ZNF655: variants seen among roughly 807,000 people sequenced by gnomAD.
ZNF655 encodes Vav-interacting Kruppel-like protein 1.
A neutral mutation model predicts 6.6 loss-of-function variants in ZNF655; 3 were observed. That is an observed-to-expected ratio of 0.46 (90% CI 0.21 to 1.18). The LOEUF (loss-of-function observed/expected upper bound fraction) is 1.18, where lower values mean the gene tolerates loss of function less well. Among genes scored for constraint, ZNF655 ranks in the 50% most tolerant of loss-of-function variants. The probability of loss-of-function intolerance (pLI) is 0.24; values close to 1 mark genes in which losing one functional copy is unlikely to be tolerated. For missense variants in ZNF655, 526 were observed against 572.3 expected (o/e 0.92, Z 0.83); for synonymous variants, 178 against 195.0 (o/e 0.91, Z 0.73).
intron 2 of ZNF655, among the ~76,000 whole-genome samples, chr7:99,562,649 G>A (rs1803291090): frequency 6.6e-6 from 1 of 152,116 alleles, no homozygotes; most frequent in African/African-American, 2.4e-5. Flanking sequence ...GTCTTCTCCG[G>A]GAGGGGTAAT....
At chr7:99,569,963 ACCCTTT>A (rs975145890) in intron 2 of ZNF655, among the ~76,000 whole-genome samples, 5 of 151,980 alleles carry the variant, frequency 3.3e-5, no homozygotes, top group Non-Finnish European at 5.9e-5. Context: ...CCCTTCTCCC[ACCCTTT>A]CCCTTCTTAG....
chr7:99,560,482 G>A, intron 1 of ZNF655, 51 bp from the exon 2 acceptor site: 5 of 1,535,494 alleles, frequency 3.3e-6, no homozygotes, highest in Non-Finnish European at 3.5e-6. Context: ...GATATAAAAT[G>A]ATGAAATGCT....
intron 2 of ZNF655, chr7:99,561,945 C>T (rs1327327017): frequency 6.3e-7 from 1 of 1,596,590 alleles, no homozygotes; most frequent in South Asian, 1.1e-5. Flanking sequence ...GGAGACCAGG[C>T]AGCTGCGCTC....
intron 2 of ZNF655, among the ~76,000 whole-genome samples, chr7:99,567,369 A>G (rs1803708330): frequency 6.6e-6 from 1 of 151,822 alleles, no homozygotes; most frequent in Admixed American, 6.6e-5. Flanking sequence ...CCCCGTCTCT[A>G]CTAAAAATAC....
chr7:99,571,152 A>G (rs1804038315), intron 2 of ZNF655: 1 of 1,003,672 alleles, frequency 1.0e-6, no homozygotes, highest in East Asian at 6.2e-5. Context: ...CTAATGGGTA[A>G]GAATGTGTCA....
intron 2 of ZNF655, among the ~76,000 whole-genome samples, chr7:99,561,343 G>T (rs1803141323): frequency 6.6e-6 from 1 of 152,214 alleles, no homozygotes; most frequent in African/African-American, 2.4e-5. Flanking sequence ...TAACTTGTGT[G>T]TCACCCACAC....
At chr7:99,568,046 G>A (rs1306381309) in intron 2 of ZNF655, among the ~76,000 whole-genome samples, 12 of 142,802 alleles carry the variant, frequency 8.4e-5, no homozygotes, top group Admixed American at 1.4e-4. Flanking sequence ...GCGACAGAGC[G>A]AGACTCCATA....
intron 2 of ZNF655, chr7:99,562,154 C>G: frequency 1.3e-5 from 10 of 759,216 alleles, no homozygotes; most frequent in Non-Finnish European, 1.8e-5. Context: ...CTCCCCAGTG[C>G]CATGAGCAAA....
rs762223408 is a variant in ZNF655 at position 99,572,561 on chromosome 7, T to C, written c.453T>C (p.Leu151=). 7 of 1,613,948 alleles carry C rather than the reference T, an allele frequency of 4.3e-6. No individual in the cohort carries two copies. Among genetic ancestry groups the C allele is most frequent in the Non-Finnish European group, 5.9e-6 (7 of 1,179,962 alleles). ...CTATTGATGCAGATCAGAGAGTTCTTAGAATACAGAATACCGATGACAATG... is the reference window on the plus strand; with the variant it reads ...CTATTGATGCAGATCAGAGAGTTCTCAGAATACAGAATACCGATGACAATG... ...DSTIDADQRV[L]RIQNTDDNDK... is the part of the protein sequence containing the mutation. Residue 151 remains leucine (L), a synonymous_variant, in exon 3 of 3, where the codon CTT becomes CTC. Coordinates refer to ENST00000252713, the MANE Select transcript of ZNF655 (RefSeq NM_138494.3).
intron 2 of ZNF655, chr7:99,562,324 A>G (rs768915593): frequency 1.2e-6 from 2 of 1,610,388 alleles, no homozygotes; most frequent in South Asian, 1.1e-5. Context: ...CCATGGTGCT[A>G]CAGTGTTCTC....
Position 99,575,177 on chromosome 7 carries a change from T to C in ZNF655, c.*1593T>C, listed in dbSNP as rs2151174107. 6.5e-6 allele frequency: 1 copy of C among 152,690 alleles called. No individual in the cohort carries two copies. Among genetic ancestry groups the C allele is most frequent in the Non-Finnish European group, 1.5e-5 (1 of 68,030 alleles). 9.5% of individuals were successfully genotyped at this position (152,690 alleles called of 1,614,324 possible). On this transcript the variant is annotated 3_prime_UTR_variant, in exon 3 of 3. Coordinates refer to ENST00000252713, the MANE Select transcript of ZNF655 (RefSeq NM_138494.3). ...AGTGCCTATTCTGCATGCCTAAGCT[T>C]AGAGTTCTTTTATATACCTCTACGG...
chr7:99,565,767 G>A (rs1430855664), intron 2 of ZNF655, among the ~76,000 whole-genome samples: 2 of 152,098 alleles, frequency 1.3e-5, no homozygotes, highest in Non-Finnish European at 2.9e-5. Context: ...TTAGATGATG[G>A]CCTCAGAAGC....
At position 99,572,315 on chromosome 7, in the gene ZNF655, C is replaced by T. The variant is rs1266953596; in HGVS notation, c.207C>T (p.Tyr69=). The change falls in exon 3 of 3, where the codon TAC becomes TAT. Residue 69 remains tyrosine, a synonymous_variant. Transcript: ENST00000252713. ...KQKISEEVHS[Y]KVRVGRLKHD... ...AAATTTCGGAAGAAGTGCATTCATACAAAGTGAGAGTAGGAAGACTCAAAC... is the reference window on the plus strand; with the variant it reads ...AAATTTCGGAAGAAGTGCATTCATATAAAGTGAGAGTAGGAAGACTCAAAC... The T allele has an allele frequency of 1.9e-6, 3 of 1,613,228 alleles. No homozygotes were observed. The highest frequency in any genetic ancestry group is 1.1e-5 in the South Asian group (1 of 91,028).
At position 99,562,566 on chromosome 7, in the gene ZNF655, G is replaced by C. The variant is rs946042833; in HGVS notation, c.136+1871G>C. On this transcript the variant is annotated intron_variant, in intron 2 of 2. Coordinates refer to ENST00000252713, the MANE Select transcript of ZNF655 (RefSeq NM_138494.3). ...TTTCTTGTTTCTTCCTAAGTATAAG[G>C]TCTCTGAGAAGGTCTGTAGAGTGTG... 4 of 1,524,550 alleles carry C rather than the reference G, an allele frequency of 2.6e-6. No individual in the cohort carries two copies. In the African/African-American group the frequency reaches 5.5e-5, roughly 21 times the overall value. 94.4% of individuals were successfully genotyped at this position (1,524,550 alleles called of 1,614,324 possible).
intron 1 of ZNF655, among the ~76,000 whole-genome samples, chr7:99,559,780 A>G (rs1050814157): frequency 5.0e-5 from 7 of 138,734 alleles, no homozygotes; most frequent in African/African-American, 1.9e-4. Context: ...GGCCTGGGCC[A>G]CCTAATTTTT....
chr7:99,573,091 T>A lies in ZNF655; in HGVS notation c.983T>A (p.Met328Lys). The change falls in exon 3 of 3, where the codon ATG becomes AAG. Residue 328 changes from methionine to lysine, a missense_variant. Physicochemically the swap from Met to Lys is moderately conservative, Grantham distance 95 (BLOSUM62 -1). Coordinates refer to ENST00000252713, the MANE Select transcript of ZNF655 (RefSeq NM_138494.3). ...LTQHQKIHKE[M>K]PCKCTVCGSD... ...CAACATCAGAAAATTCACAAAGAGA[T>A]GCCCTGTAAGTGTACTGTATGTGGC... 1.9e-6 allele frequency: 3 copies of A among 1,614,106 alleles called. No homozygotes were observed. Among genetic ancestry groups the A allele is most frequent in the Non-Finnish European group, 2.5e-6 (3 of 1,179,994 alleles).
At chr7:99,563,762 T>C in intron 2 of ZNF655, 5 of 1,387,428 alleles carry the variant, frequency 3.6e-6, no homozygotes, top group Non-Finnish European at 4.9e-6. Context: ...GTCTCCCTGA[T>C]TATGCTCAGG....
intron 2 of ZNF655, among the ~76,000 whole-genome samples, chr7:99,562,790 C>T (rs570457674): frequency 2.6e-5 from 4 of 152,188 alleles, no homozygotes; most frequent in South Asian, 2.1e-4. Flanking sequence ...GATTTCTCAC[C>T]GTTCTTTTCT....
intron 2 of ZNF655, among the ~76,000 whole-genome samples, chr7:99,569,020 A>T (rs1803841942): frequency 6.6e-6 from 1 of 150,950 alleles, no homozygotes; most frequent in Non-Finnish European, 1.5e-5. Flanking sequence ...CTTGGGCTGA[A>T]GTGATCTGTC....
Sources: gnomAD v4.1 joint callset for allele counts (sites outside exome capture counted in the v4.1 genomes callset) on GRCh38, gnomAD v4.1.1 for gene constraint, MANE v1.5 for transcripts, NCBI Gene and HGNC (gene_info 2026-07-23, HGNC 2026-07-21) for gene names.